Variants in UST observed in about 807,000 individuals in gnomAD.
UST encodes the protein chondroitin sulfate 2-O-sulfotransferase.
UST carries 21 observed loss-of-function variants against 45.6 expected under a neutral mutation model. That is an observed-to-expected ratio of 0.46 (90% CI 0.33 to 0.66). UST has a LOEUF of 0.66. UST is among the 30% of genes least tolerant of loss of function. The probability of loss-of-function intolerance (pLI) is 0.02; values close to 1 mark genes in which losing one functional copy is unlikely to be tolerated. For synonymous variants in UST, 215 were observed against 200.6 expected, an observed-to-expected ratio of 1.07 and a Z score of -0.61; for missense variants, 463 against 512.4, an observed-to-expected ratio of 0.90 and a Z score of 0.93.
intron 1 of UST, among the ~76,000 whole-genome samples, chr6:148,849,912 G>T (rs1342868377): frequency 6.6e-6 from 1 of 152,056 alleles, no homozygotes. Flanking sequence ...GTTATATAGT[G>T]TATAACTATA....
At position 148,886,874 on chromosome 6, in the gene UST, G is replaced by A. The variant is rs547312444; in HGVS notation, c.248-112G>A. The A allele has an allele frequency of 7.9e-5, 71 of 894,658 alleles. No homozygotes were observed. In the South Asian group the frequency reaches 9.8e-4, roughly 12 times the overall value. The allele number at this position is 894,658 out of a possible 1,614,324, so 55.4% of individuals were successfully genotyped here. A position where few individuals can be genotyped will look rare whatever the true frequency, so the allele number is the denominator to read the frequency against. ...TAATTCCCCATTTTTCTTTGGTACT[G>A]TTGTCTGAGCAGAAATACTGTATAA... is the stretch of plus-strand genomic sequence containing the variant. On this transcript the variant is annotated intron_variant, in intron 1 of 7. Transcript: ENST00000367463.
At chr6:148,987,327 G>A (rs1201998385) in intron 5 of UST, among the ~76,000 whole-genome samples, 1 of 152,172 alleles carries the variant, frequency 6.6e-6, no homozygotes, top group African/African-American at 2.4e-5. Flanking sequence ...CTCTCACTGC[G>A]TCTTGGGGCC....
intron 7 of UST, among the ~76,000 whole-genome samples, chr6:149,046,185 C>T (rs1302955156): frequency 6.6e-6 from 1 of 152,182 alleles, no homozygotes; most frequent in Non-Finnish European, 1.5e-5. Flanking sequence ...ATTTGGTGAA[C>T]AAAATGTAAG....
At chr6:149,046,309 C>G (rs1170201609) in intron 7 of UST, among the ~76,000 whole-genome samples, 1 of 152,234 alleles carries the variant, frequency 6.6e-6, no homozygotes, top group East Asian at 1.9e-4. Flanking sequence ...GTCCCAAAAC[C>G]AGTCTACTGG....
At chr6:148,991,455 C>T (rs907251364) in intron 5 of UST, among the ~76,000 whole-genome samples, 4 of 151,668 alleles carry the variant, frequency 2.6e-5, no homozygotes, top group African/African-American at 7.3e-5. Context: ...TGGTGTGCTG[C>T]ACCCGTTAAC....
In UST at chr6:149,003,545, A is replaced by T. The variant is rs560889149; in HGVS notation, c.682-15594A>T. ...TCTTTGTGCTAAGGTTTCTGACATC[A>T]TAGACAGAAGGAAAATGATTGTTAG... On this transcript the variant is annotated intron_variant, in intron 5 of 7. Transcript: ENST00000367463. Among the ~76,000 whole-genome samples the T allele has an allele frequency of 2.0e-5, 3 of 152,346 alleles. No homozygotes were observed. The South Asian group carries it at 6.2e-4, about 32-fold the overall frequency.
At chr6:148,910,912 T>C (rs1779461667) in intron 2 of UST, among the ~76,000 whole-genome samples, 1 of 152,096 alleles carries the variant, frequency 6.6e-6, no homozygotes, top group African/African-American at 2.4e-5. Flanking sequence ...TTTCTTCCTT[T>C]CTCCTTCCGG....
chr6:148,795,020 A>G (rs951346040), intron 1 of UST, among the ~76,000 whole-genome samples: 4 of 152,206 alleles, frequency 2.6e-5, no homozygotes, highest in Non-Finnish European at 5.9e-5. Context: ...TTGTTTTTAA[A>G]TATTAAAGGG....
At chr6:148,972,651 A>G (rs1239208044) in intron 5 of UST, among the ~76,000 whole-genome samples, 1 of 152,226 alleles carries the variant, frequency 6.6e-6, no homozygotes. Flanking sequence ...CTGTCAGCTG[A>G]GCTCATCTGC....
chr6:148,937,354 G>C (rs6570912), intron 2 of UST, among the ~76,000 whole-genome samples: 54,508 of 151,984 alleles, frequency 0.36, 10,158 homozygotes, highest in South Asian at 0.46. Flanking sequence ...TATTATCGTA[G>C]ACCCAGCTGC....
chr6:148,852,508 C>T (rs1778126313), intron 1 of UST, among the ~76,000 whole-genome samples: 1 of 152,154 alleles, frequency 6.6e-6, no homozygotes, highest in Admixed American at 6.5e-5. Flanking sequence ...ATATATATTA[C>T]AGTCTCTTAC....
At chr6:148,773,802 G>A (rs1776478343) in intron 1 of UST, among the ~76,000 whole-genome samples, 1 of 152,086 alleles carries the variant, frequency 6.6e-6, no homozygotes, top group South Asian at 2.1e-4. Context: ...TTGTACGTGG[G>A]GCGCCATGAA....
chr6:148,777,448 A>G (rs1043939717), intron 1 of UST, among the ~76,000 whole-genome samples: 2 of 152,230 alleles, frequency 1.3e-5, no homozygotes, highest in Admixed American at 6.5e-5. Context: ...TTGTATAGTC[A>G]TGTGCCACAT....
intron 1 of UST, among the ~76,000 whole-genome samples, chr6:148,864,676 A>G (rs777764295): frequency 3.4e-4 from 52 of 152,372 alleles, no homozygotes; most frequent in Middle Eastern, 6.8e-3. Context: ...GACGCTCAAT[A>G]TTAACCCTCA....
chr6:148,816,379 A>C (rs1356109997), intron 1 of UST, among the ~76,000 whole-genome samples: 1 of 152,198 alleles, frequency 6.6e-6, no homozygotes, highest in Non-Finnish European at 1.5e-5. Flanking sequence ...CCTTGCACCC[A>C]CTTGAGAAGT....
intron 2 of UST, among the ~76,000 whole-genome samples, chr6:148,911,960 A>T (rs914048387): frequency 6.6e-6 from 1 of 152,122 alleles, no homozygotes; most frequent in African/African-American, 2.4e-5. Context: ...ACTTTGTGAG[A>T]CTAAGGGGGG....
At chr6:149,052,303 G>A (rs534590047) in intron 7 of UST, among the ~76,000 whole-genome samples, 8 of 152,194 alleles carry the variant, frequency 5.3e-5, no homozygotes, top group African/African-American at 9.7e-5. Flanking sequence ...GAGGATAACA[G>A]TCATAATATT....
chr6:148,919,008 A>G (rs1286481967), intron 2 of UST, among the ~76,000 whole-genome samples: 1 of 152,138 alleles, frequency 6.6e-6, no homozygotes, highest in East Asian at 1.9e-4. Flanking sequence ...TCCCACCACC[A>G]TCTTTGCATG....
chr6:148,913,411 G>A (rs1214862108), intron 2 of UST, among the ~76,000 whole-genome samples: 1 of 122,312 alleles, frequency 8.2e-6, no homozygotes, highest in African/African-American at 3.0e-5. Context: ...GTCCGTATTT[G>A]GGACCAAAAA....
Sources: allele counts gnomAD v4.1 joint callset (sites outside exome capture counted in the v4.1 genomes callset), GRCh38; gene constraint gnomAD v4.1.1; transcripts MANE v1.5; gene names NCBI Gene and HGNC (gene_info 2026-07-23, HGNC 2026-07-21).